ZNF384: variants seen among roughly 807,000 people sequenced by gnomAD.
ZNF384 encodes CAG repeat protein 1.
ZNF384 carries 20 observed loss-of-function variants against 65.0 expected under a neutral mutation model. The ratio of observed to expected loss-of-function variants is 0.31; its 90% CI spans 0.22 to 0.45. The LOEUF (loss-of-function observed/expected upper bound fraction) is 0.45, where lower values mean the gene tolerates loss of function less well. Ranked by LOEUF, ZNF384 falls within the 20% of genes least tolerant of loss-of-function variation. The pLI is 1.00. For missense variants in ZNF384, 549 were observed against 769.4 expected (o/e 0.71, Z 3.39); for synonymous variants, 310 against 303.9 (o/e 1.02, Z -0.21).
intron 2 of ZNF384, among the ~76,000 whole-genome samples, chr12:6,684,518 TTACAAAGGAAAA>T (rs1244335556): frequency 1.3e-5 from 2 of 152,084 alleles, no homozygotes; most frequent in African/African-American, 4.8e-5. Context: ...AGGCCGGACT[TTACAAAGGAAAA>T]TAAATAAAAA....
intron 3 of ZNF384, 92 bp downstream of exon 3, chr12:6,679,363 C>G: frequency 7.5e-7 from 1 of 1,328,448 alleles, no homozygotes; most frequent in Non-Finnish European, 1.1e-6. Context: ...GGTGGGGGAC[C>G]CAGTAAAACA....
chr12:6,672,268 G>T lies in ZNF384; in HGVS notation c.1187+82C>A. 1 of 1,445,984 alleles carries T rather than the reference G, an allele frequency of 6.9e-7. No homozygotes were observed. The highest frequency in any genetic ancestry group is 9.3e-7 in the Non-Finnish European group (1 of 1,075,310). 89.6% of individuals were successfully genotyped at this position (1,445,984 alleles called of 1,614,324 possible). A position where few individuals can be genotyped will look rare whatever the true frequency, so the allele number is the denominator to read the frequency against. ...CAGGTCTCTCCCCCGCCCCCCGCAT[G>T]CGGGTTGTTGTGTGTGTCCGGGGCG... On this transcript the variant is annotated intron_variant, in intron 9 of 11. Transcript: ENST00000683879. This position sits in a 1 kb window ranked among gnomAD's most constrained non-coding sequence, Gnocchi z 4.4.
rs1265755159 is a variant in ZNF384 at position 6,679,261 on chromosome 12, G to A, written c.67-78C>T. 3.7e-6 allele frequency: 5 copies of A among 1,369,510 alleles called. No homozygotes were observed. In the African/African-American group the frequency reaches 7.2e-5, roughly 20 times the overall value. The allele number at this position is 1,369,510 out of a possible 1,614,324, so 84.8% of individuals were successfully genotyped here. A position where few individuals can be genotyped will look rare whatever the true frequency, so the allele number is the denominator to read the frequency against. ...TCTGCTTGCTCGTGAGCACACTTCA[G>A]TGTCTGTCCTCCTTAGGGATCAAGG... On this transcript the variant is annotated intron_variant, in intron 3 of 11. Coordinates refer to ENST00000683879, the MANE Select transcript of ZNF384 (RefSeq NM_001385745.1).
chr12:6,682,855 C>T (rs566691812), intron 2 of ZNF384, among the ~76,000 whole-genome samples: 3 of 152,306 alleles, frequency 2.0e-5, no homozygotes, highest in Non-Finnish European at 4.4e-5. Flanking sequence ...AATTGAACAA[C>T]GGTAGACTAC....
At chr12:6,680,447 G>A (rs558717985) in intron 2 of ZNF384, among the ~76,000 whole-genome samples, 3 of 152,104 alleles carry the variant, frequency 2.0e-5, no homozygotes, top group Admixed American at 6.5e-5. Flanking sequence ...TCAGAAGTTC[G>A]AGACCAGGCT....
At chr12:6,685,831 G>A (rs1445027024) in intron 2 of ZNF384, among the ~76,000 whole-genome samples, 5 of 148,748 alleles carry the variant, frequency 3.4e-5, no homozygotes, top group Non-Finnish European at 7.4e-5. Context: ...TTAAGTTGGA[G>A]AGTAATTTTC....
Position 6,679,523 on chromosome 12 carries a change from T to C in ZNF384, c.-3A>G. 1 of 1,612,864 alleles carries C rather than the reference T, an allele frequency of 6.2e-7. No individual in the cohort carries two copies. Among genetic ancestry groups the C allele is most frequent in the Non-Finnish European group, 8.5e-7 (1 of 1,178,908 alleles). ...GAATTGAAGTGAGATTCTTCCATTC[T>C]ACCTGAAGAAAAAATGAGAGAACAT... On this transcript the variant is annotated splice_region_variant and 5_prime_UTR_variant, in exon 3 of 12. Transcript: ENST00000683879.
Position 6,667,871 on chromosome 12 carries a change from G to A in ZNF384, c.1670C>T (p.Ala557Val), listed in dbSNP as rs1171731582. 9.9e-6 allele frequency: 16 copies of A among 1,613,998 alleles called. No homozygotes were observed. Among genetic ancestry groups the A allele is most frequent in the Non-Finnish European group, 1.4e-5 (16 of 1,179,992 alleles). ...QPPPHFQSPG[A>V]APQGGGGGDS... is the part of the protein sequence containing the mutation. Reference sequence around the variant, plus strand: ...CCCACCACCCCCACCCTGGGGGGCTGCCCCAGGAGACTGGAAGTGTGGTGG... The same window carrying A: ...CCCACCACCCCCACCCTGGGGGGCTACCCCAGGAGACTGGAAGTGTGGTGG... Residue 557 changes from alanine (A) to valine (V), a missense_variant, in exon 12 of 12, where the codon GCA (alanine) becomes GTA (valine). Coordinates refer to ENST00000683879, the MANE Select transcript of ZNF384 (RefSeq NM_001385745.1).
Position 6,673,514 on chromosome 12 carries a change from A to C in ZNF384, c.780-74T>G. The C allele has an allele frequency of 5.2e-6, 7 of 1,348,344 alleles. No individual in the cohort carries two copies. Among genetic ancestry groups the C allele is most frequent in the Non-Finnish European group, 7.2e-6 (7 of 968,162 alleles). The allele number at this position is 1,348,344 out of a possible 1,614,324, so 83.5% of individuals were successfully genotyped here. ...TGGCTGAACCCTCCCCTCTACTTCCAAGAGAAGCCCACCTATCTGAGGTCT... is the reference window on the plus strand; with the variant it reads ...TGGCTGAACCCTCCCCTCTACTTCCCAGAGAAGCCCACCTATCTGAGGTCT... On this transcript the variant is annotated intron_variant, in intron 7 of 11. Transcript: ENST00000683879. This position sits in a 1 kb window ranked among gnomAD's most constrained non-coding sequence, Gnocchi z 4.7.
At chr12:6,668,322 A>G (rs991237010) in intron 11 of ZNF384, among the ~76,000 whole-genome samples, 7 of 152,216 alleles carry the variant, frequency 4.6e-5, no homozygotes, top group African/African-American at 1.7e-4. Context: ...GTCACTCAAC[A>G]TTCAACTGGC....
At chr12:6,684,075 A>C (rs1204273374) in intron 2 of ZNF384, among the ~76,000 whole-genome samples, 2 of 152,122 alleles carry the variant, frequency 1.3e-5, no homozygotes, top group Non-Finnish European at 2.9e-5. Flanking sequence ...CTTATTAAGC[A>C]CTTATTGTGT....
chr12:6,672,353 G>A lies in ZNF384; in HGVS notation c.1184C>T (p.Thr395Ile). The change falls in exon 9 of 12, where the codon ACA becomes ATA. Residue 395 changes from threonine (T) to isoleucine (I), a missense_variant. By Grantham distance (89) the Thr-to-Ile change is moderately conservative. Coordinates refer to ENST00000683879, the MANE Select transcript of ZNF384 (RefSeq NM_001385745.1). This position sits in a 1 kb window ranked among gnomAD's most constrained non-coding sequence, Gnocchi z 4.4. ...FRQLSHLQQH[T>I]RIHTGDRPYK... ...GTAGCCCGCCACTCTCCCTTACCGTGTGTGCTGCTGGAGGTGGGAGAGCTG... is the reference window on the plus strand; with the variant it reads ...GTAGCCCGCCACTCTCCCTTACCGTATGTGCTGCTGGAGGTGGGAGAGCTG... The A allele has an allele frequency of 6.2e-7, 1 of 1,613,648 alleles. No homozygotes were observed. The highest frequency in any genetic ancestry group is 8.5e-7 in the Non-Finnish European group (1 of 1,179,730).
chr12:6,682,319 C>CCAAAACAAAACAAAA (rs55997836), intron 2 of ZNF384, among the ~76,000 whole-genome samples: 130 of 140,676 alleles, frequency 9.2e-4, no homozygotes, highest in East Asian at 1.9e-3. Context: ...GACCCCAACT[C>CCAAAACAAAACAAAA]CAAAACAAAA....
chr12:6,667,770 T>C lies in ZNF384; in HGVS notation c.1771A>G (p.Ile591Val), dbSNP rs765457686. The C allele has an allele frequency of 2.5e-6, 4 of 1,614,208 alleles. No homozygotes were observed. In the Admixed American group the frequency reaches 5.0e-5, roughly 20 times the overall value. ...PYKTAEHHKDICLTVTTSTIQ... is the reference protein window; with the variant it reads ...PYKTAEHHKDVCLTVTTSTIQ... The stretch of plus-strand genomic sequence containing the variant: ...GTGCTGGTGGTGACAGTGAGGCAGA[T>C]GTCCTTATGATGCTCCGCCGTCTTA... Residue 591 changes from isoleucine (I) to valine (V), a missense_variant, in exon 12 of 12, where the codon ATC becomes GTC. Coordinates refer to ENST00000683879, the MANE Select transcript of ZNF384 (RefSeq NM_001385745.1).
intron 2 of ZNF384, among the ~76,000 whole-genome samples, chr12:6,685,003 T>C (rs551686022): frequency 1.3e-5 from 2 of 152,324 alleles, no homozygotes; most frequent in East Asian, 1.9e-4. Flanking sequence ...AGCCCACTGA[T>C]GTTACACAGA....
intron 10 of ZNF384, 64 bp from the exon 11 acceptor site, chr12:6,669,253 C>G: frequency 1.3e-6 from 2 of 1,490,074 alleles, no homozygotes; most frequent in Non-Finnish European, 9.0e-7. Context: ...CCCTTGACCT[C>G]GATGGAAAGC....
intron 10 of ZNF384, among the ~76,000 whole-genome samples, chr12:6,670,517 T>C (rs979045004): frequency 6.6e-6 from 1 of 152,186 alleles, no homozygotes; most frequent in African/African-American, 2.4e-5. Context: ...ATGTTATTTA[T>C]GTTAACACAC....
chr12:6,668,147 T>G, intron 11 of ZNF384, 32 bp from the exon 12 acceptor site: 44 of 1,486,232 alleles, frequency 3.0e-5, no homozygotes, highest in Non-Finnish European at 3.8e-5. Flanking sequence ...AGTTGAGGGA[T>G]AAAGAGGAAG....
Position 6,677,167 on chromosome 12 carries a change from C to T in ZNF384, c.779G>A (p.Gly260Glu). 1.0e-6 allele frequency: 1 copy of T among 1,001,932 alleles called. No individual in the cohort carries two copies. The highest frequency in any genetic ancestry group is 1.4e-6 in the Non-Finnish European group (1 of 719,872). The allele number at this position is 1,001,932 out of a possible 1,614,324, so 62.1% of individuals were successfully genotyped here. A position where few individuals can be genotyped will look rare whatever the true frequency, so the allele number is the denominator to read the frequency against. ...GSTTNLLCDP[G>E]CRMCSLTFYS... ...GCCCAGAGAGGGGAAAAGGACTTGCCCAGGGTCACACAGCAAATTCGTGGT... is the reference window on the plus strand; with the variant it reads ...GCCCAGAGAGGGGAAAAGGACTTGCTCAGGGTCACACAGCAAATTCGTGGT... The change falls in exon 7 of 12, where the codon GGG becomes GAG. Residue 260 changes from glycine to glutamate, a missense_variant and splice_region_variant. Transcript: ENST00000683879.
Sources: gnomAD v4.1 joint callset for allele counts (sites outside exome capture counted in the v4.1 genomes callset) on GRCh38, gnomAD v4.1.1 for gene constraint, Gnocchi (gnomAD v3.1) non-coding constraint, MANE v1.5 for transcripts, NCBI Gene and HGNC (gene_info 2026-07-23, HGNC 2026-07-21) for gene names.